SHISA6: variants seen among roughly 807,000 people sequenced by gnomAD.
The protein encoded by SHISA6 is protein shisa-6.
SHISA6 carries 22 observed loss-of-function variants against 47.9 expected under a neutral mutation model. The observed-to-expected ratio is 0.46, with a 90% CI of 0.33 to 0.66. SHISA6 has a LOEUF of 0.66. Ranked by LOEUF, SHISA6 falls within the 30% of genes least tolerant of loss-of-function variation. The pLI is 0.02. For synonymous variants in SHISA6, 388 were observed against 337.8 expected, an observed-to-expected ratio of 1.15 and a Z score of -1.63; for missense variants, 680 against 764.6, an observed-to-expected ratio of 0.89 and a Z score of 1.30.
intron 2 of SHISA6, among the ~76,000 whole-genome samples, chr17:11,302,843 A>G (rs1014273945): frequency 1.3e-5 from 2 of 151,766 alleles, no homozygotes; most frequent in African/African-American, 4.8e-5. Context: ...GGGGTGGGGG[A>G]AAAAGCAGAG....
intron 3 of SHISA6, among the ~76,000 whole-genome samples, chr17:11,538,308 G>T (rs370699195): frequency 6.6e-6 from 1 of 152,108 alleles, no homozygotes; most frequent in Admixed American, 6.6e-5. Flanking sequence ...TGATCCACCC[G>T]CTTCGGCCTC....
chr17:11,387,192 G>A (rs1033150101), intron 3 of SHISA6, among the ~76,000 whole-genome samples: 14 of 152,142 alleles, frequency 9.2e-5, no homozygotes, highest in Non-Finnish European at 2.9e-5. Context: ...GAACAACCCT[G>A]AACAGATCTC....
intron 3 of SHISA6, among the ~76,000 whole-genome samples, chr17:11,517,511 C>A (rs566656827): frequency 6.6e-6 from 1 of 152,148 alleles, no homozygotes; most frequent in East Asian, 1.9e-4. Context: ...GGGCCCAAGT[C>A]TTTGTTATGG....
intron 2 of SHISA6, among the ~76,000 whole-genome samples, chr17:11,266,297 T>C (rs1908422139): frequency 6.6e-6 from 1 of 152,224 alleles, no homozygotes; most frequent in Non-Finnish European, 1.5e-5. Context: ...TCAGAGCATA[T>C]GAGTAGCTTT....
intron 2 of SHISA6, among the ~76,000 whole-genome samples, chr17:11,378,772 A>G (rs564858262): frequency 2.0e-5 from 3 of 152,326 alleles, no homozygotes; most frequent in Admixed American, 6.5e-5. Context: ...AAGCACGTAT[A>G]TATTTTCTCA....
intron 1 of SHISA6, among the ~76,000 whole-genome samples, chr17:11,251,461 G>A (rs1228524872): frequency 6.6e-6 from 1 of 152,064 alleles, no homozygotes; most frequent in East Asian, 1.9e-4. Context: ...AGAACCCCTG[G>A]GCAATTCTGC....
chr17:11,317,341 A>G (rs1910557682), intron 2 of SHISA6, among the ~76,000 whole-genome samples: 2 of 151,838 alleles, frequency 1.3e-5, no homozygotes, highest in Non-Finnish European at 2.9e-5. Context: ...ACCAAAATGC[A>G]GTATTTGTTT....
chr17:11,415,422 C>A (rs925579131), intron 3 of SHISA6, among the ~76,000 whole-genome samples: 1 of 152,230 alleles, frequency 6.6e-6, no homozygotes, highest in East Asian at 1.9e-4. Flanking sequence ...TATAAATGAA[C>A]CTAAAATACA....
rs140188994 is a variant in SHISA6 at position 11,351,823 on chromosome 17, G to A, written c.800-27591G>A. Among the ~76,000 whole-genome samples, 158 of 152,330 alleles carry A rather than the reference G, an allele frequency of 1.0e-3. 2 individuals are homozygous for A. In the East Asian group the frequency reaches 0.027, roughly 26 times the overall value. On this transcript the variant is annotated intron_variant, in intron 2 of 5. Transcript: ENST00000441885. Reference sequence around the variant, plus strand: ...GAGGGGGATGAAAGAGGTGTGTTCTGTGGTTACAGAACAAAGCCATACTGC... The same window carrying A: ...GAGGGGGATGAAAGAGGTGTGTTCTATGGTTACAGAACAAAGCCATACTGC...
chr17:11,468,149 C>T (rs1186653198), intron 3 of SHISA6, among the ~76,000 whole-genome samples: 1 of 152,028 alleles, frequency 6.6e-6, no homozygotes, highest in Non-Finnish European at 1.5e-5. Flanking sequence ...CCAATTGCTG[C>T]CCTTTCCTCC....
intron 2 of SHISA6, among the ~76,000 whole-genome samples, chr17:11,329,856 A>AT (rs1461585067): frequency 6.6e-6 from 1 of 152,050 alleles, no homozygotes; most frequent in Non-Finnish European, 1.5e-5. Flanking sequence ...AATGTGTTCA[A>AT]GCGCACCTGG....
chr17:11,340,721 C>A (rs1911493509), intron 2 of SHISA6, among the ~76,000 whole-genome samples: 1 of 152,174 alleles, frequency 6.6e-6, no homozygotes, highest in Non-Finnish European at 1.5e-5. Flanking sequence ...CACCTCCACT[C>A]CAAAGAGATG....
At chr17:11,423,810 T>C (rs1159962526) in intron 3 of SHISA6, among the ~76,000 whole-genome samples, 20 of 148,264 alleles carry the variant, frequency 1.3e-4, no homozygotes, top group Admixed American at 1.3e-3. Context: ...AAGAAAGGGA[T>C]TCAAGCTATT....
intron 2 of SHISA6, among the ~76,000 whole-genome samples, chr17:11,348,707 A>G (rs1335831109): frequency 4.6e-5 from 7 of 151,984 alleles, no homozygotes; most frequent in Admixed American, 4.6e-4. Flanking sequence ...TTCATAAGAA[A>G]CAAGTTCATT....
At chr17:11,375,547 AT>A (rs1912771549) in intron 2 of SHISA6, among the ~76,000 whole-genome samples, 2 of 151,840 alleles carry the variant, frequency 1.3e-5, no homozygotes, top group African/African-American at 2.4e-5. Flanking sequence ...ATATTATCTC[AT>A]TTTTTTCCCT....
chr17:11,260,434 C>T (rs556963603), intron 1 of SHISA6, among the ~76,000 whole-genome samples: 1 of 152,198 alleles, frequency 6.6e-6, no homozygotes, highest in East Asian at 1.9e-4. Flanking sequence ...CAGGGCCCTG[C>T]TGACAGCCTG....
At chr17:11,548,773 A>G (rs1411379433) in intron 3 of SHISA6, among the ~76,000 whole-genome samples, 1 of 152,200 alleles carries the variant, frequency 6.6e-6, no homozygotes, top group African/African-American at 2.4e-5. Flanking sequence ...ATTATGCTTA[A>G]ATGATATATA....
intron 3 of SHISA6, among the ~76,000 whole-genome samples, chr17:11,532,035 A>C (rs2071738204): frequency 6.6e-6 from 1 of 152,212 alleles, no homozygotes; most frequent in African/African-American, 2.4e-5. Context: ...AAATATGAAA[A>C]ACTAGGAGAT....
chr17:11,386,346 G>A (rs1370598725), intron 3 of SHISA6, among the ~76,000 whole-genome samples: 8 of 152,132 alleles, frequency 5.3e-5, no homozygotes, highest in Non-Finnish European at 1.2e-4. Context: ...TTGCACTCCA[G>A]CCTGGGCAAC....
Sources: allele counts gnomAD v4.1 joint callset (sites outside exome capture counted in the v4.1 genomes callset), GRCh38; gene constraint gnomAD v4.1.1; transcripts MANE v1.5; gene names NCBI Gene and HGNC (gene_info 2026-07-23, HGNC 2026-07-21).